Variants in RIMS2 observed in about 807,000 individuals in gnomAD.
RIMS2 encodes the protein regulating synaptic membrane exocytosis protein 2.
RIMS2 carries 59 observed loss-of-function variants against 174.4 expected under a neutral mutation model. The ratio of observed to expected loss-of-function variants is 0.34; its 90% confidence interval spans 0.27 to 0.42. The LOEUF is 0.42. Among genes scored for constraint, RIMS2 ranks in the 10% least tolerant of loss-of-function variants. RIMS2 has a pLI of 1.00. For missense variants in RIMS2, 1,620 were observed against 1,666.3 expected, an observed-to-expected ratio of 0.97 and a Z score of 0.48; for synonymous variants, 606 against 572.5, an observed-to-expected ratio of 1.06 and a Z score of -0.84.
chr8:103,675,131 C>T (rs1292840542), intron 1 of RIMS2, among the ~76,000 whole-genome samples: 4 of 152,026 alleles, frequency 2.6e-5, no homozygotes, highest in South Asian at 2.1e-4. Flanking sequence ...TGGCTGGTCT[C>T]GAACTCCTGA....
rs183667931 is a variant in RIMS2, at chr8:103,694,435, T to G, written c.177-2651T>G. Among the ~76,000 whole-genome samples, 274 of 152,144 alleles carry G rather than the reference T, an allele frequency of 1.8e-3. 1 individual carries two copies. Among genetic ancestry groups the G allele is most frequent in the Non-Finnish European group, 2.8e-3 (193 of 67,986 alleles). Reference sequence around the variant, plus strand: ...GCTTGATGACTAGGGCTTTAGGCACTTGTGCTGTGCTGGGACATGCCTTGT... The same window carrying G: ...GCTTGATGACTAGGGCTTTAGGCACGTGTGCTGTGCTGGGACATGCCTTGT... On this transcript the variant is annotated intron_variant, in intron 1 of 23. Coordinates refer to ENST00000504942, the Ensembl canonical transcript of RIMS2.
chr8:103,868,132 G>A (rs988334861), intron 3 of RIMS2, among the ~76,000 whole-genome samples: 2 of 152,094 alleles, frequency 1.3e-5, no homozygotes, highest in South Asian at 4.1e-4. Flanking sequence ...GATTGTAACA[G>A]CTAAGTAATT....
chr8:104,229,574 A>G (rs944576229), intron 19 of RIMS2, among the ~76,000 whole-genome samples: 1 of 152,178 alleles, frequency 6.6e-6, no homozygotes, highest in African/African-American at 2.4e-5. Context: ...TTAGGAACCC[A>G]TGAGCATTCT....
intron 1 of RIMS2, among the ~76,000 whole-genome samples, chr8:103,673,108 A>G (rs538245681): frequency 2.0e-5 from 3 of 152,196 alleles, no homozygotes; most frequent in Non-Finnish European, 4.4e-5. Context: ...TCCTGCGTGC[A>G]GGACACACTG....
chr8:103,522,475 GGCAGTGCAGTTTCTATTTATCT>G (rs1416964867), intron 1 of RIMS2, among the ~76,000 whole-genome samples: 1 of 152,070 alleles, frequency 6.6e-6, no homozygotes, highest in Non-Finnish European at 1.5e-5. Context: ...TGTTACTAGT[GGCAGTGCAGTTTCTATTTATCT>G]GCCCAAGTTT....
chr8:103,655,685 A>G (rs1347254725), intron 1 of RIMS2, among the ~76,000 whole-genome samples: 9 of 152,062 alleles, frequency 5.9e-5, no homozygotes, highest in Non-Finnish European at 1.2e-4. Context: ...TGTTAAAGGG[A>G]AGAGTGTTTT....
At chr8:103,927,818 T>C (rs2079068402) in intron 10 of RIMS2, 1 of 1,582,606 alleles carries the variant, frequency 6.3e-7, no homozygotes, top group Non-Finnish European at 8.7e-7. Context: ...TTTTATTGCT[T>C]TTTTCTTTAA....
At chr8:103,627,106 A>T (rs559274090) in intron 1 of RIMS2, among the ~76,000 whole-genome samples, 1 of 152,252 alleles carries the variant, frequency 6.6e-6, no homozygotes, top group Non-Finnish European at 1.5e-5. Flanking sequence ...CATAAGACAG[A>T]CACTCCCAGA....
chr8:103,516,363 T>C (rs1046901017), intron 1 of RIMS2, among the ~76,000 whole-genome samples: 2 of 152,152 alleles, frequency 1.3e-5, no homozygotes, highest in African/African-American at 2.4e-5. Context: ...AAAAATTTCA[T>C]ACTTGTACTC....
intron 19 of RIMS2, among the ~76,000 whole-genome samples, chr8:104,194,520 CATTTT>C (rs1184895090): frequency 1.3e-5 from 2 of 152,098 alleles, no homozygotes; most frequent in Non-Finnish European, 2.9e-5. Flanking sequence ...AATGGAAATA[CATTTT>C]TAAAACATAA....
Position 104,148,817 on chromosome 8 carries a change from A to G in RIMS2, c.3335-96099A>G, listed in dbSNP as rs755816780. On this transcript the variant is annotated intron_variant, in intron 19 of 23. Transcript: ENST00000504942. ...TAGCTATCGTTGGTCTGTCACGGAA[A>G]AGTCGCAGTGCTTCTCAGCTCAGCC... The G allele has an allele frequency of 2.2e-5, 35 of 1,598,272 alleles. No homozygotes were observed. In the East Asian group the frequency reaches 7.6e-4, roughly 35 times the overall value.
At chr8:104,028,550 T>A (rs961651129) in intron 19 of RIMS2, among the ~76,000 whole-genome samples, 3 of 152,132 alleles carry the variant, frequency 2.0e-5, no homozygotes, top group African/African-American at 7.2e-5. Flanking sequence ...GATGCTTGAG[T>A]TTCAGTATAA....
At chr8:103,908,233 G>T (rs1425865240) in intron 4 of RIMS2, among the ~76,000 whole-genome samples, 1 of 151,766 alleles carries the variant, frequency 6.6e-6, no homozygotes, top group Non-Finnish European at 1.5e-5. Context: ...AGTAGAGATG[G>T]GACTTTACCA....
intron 19 of RIMS2, among the ~76,000 whole-genome samples, chr8:104,048,747 G>A (rs2096735775): frequency 6.6e-6 from 1 of 151,924 alleles, no homozygotes; most frequent in Non-Finnish European, 1.5e-5. Flanking sequence ...TTTGTAATTT[G>A]AAAGAAATTG....
intron 19 of RIMS2, among the ~76,000 whole-genome samples, chr8:104,140,645 CT>C (rs1299341870): frequency 2.0e-5 from 3 of 152,118 alleles, no homozygotes; most frequent in Admixed American, 1.3e-4. Flanking sequence ...AAAATGTATT[CT>C]TCCTTTTTGT....
chr8:103,958,921 G>A (rs2088706300), intron 14 of RIMS2, among the ~76,000 whole-genome samples: 1 of 152,182 alleles, frequency 6.6e-6, no homozygotes, highest in South Asian at 2.1e-4. Context: ...GATTCTGGAA[G>A]TCTCTGTGGG....
At chr8:103,985,497 A>G (rs1243308100) in intron 16 of RIMS2, among the ~76,000 whole-genome samples, 1 of 150,330 alleles carries the variant, frequency 6.7e-6, no homozygotes, top group African/African-American at 2.5e-5. Context: ...AAAAAAAAAA[A>G]AAAAAAGAGT....
In RIMS2 at chr8:103,876,242, T is replaced by C. The variant is rs185521987; in HGVS notation, c.699-9056T>C. On this transcript the variant is annotated intron_variant, in intron 3 of 23. Transcript: ENST00000504942. ...AGAATTTTTATGGTTTTAGATCATA[T>C]ATTTAAGTCTTTAATCCATCTTGAG... Among the ~76,000 whole-genome samples the C allele has an allele frequency of 2.0e-5, 3 of 151,980 alleles. No individual in the cohort carries two copies. In the East Asian group the frequency reaches 5.8e-4, roughly 29 times the overall value.
chr8:104,199,636 A>T (rs527612059), intron 19 of RIMS2, among the ~76,000 whole-genome samples: 7 of 152,208 alleles, frequency 4.6e-5, no homozygotes, highest in South Asian at 2.1e-4. Flanking sequence ...GTAGGAAGGC[A>T]TGCCTGTGGT....
Sources: gnomAD v4.1 joint callset for allele counts (sites outside exome capture counted in the v4.1 genomes callset) on GRCh38, gnomAD v4.1.1 for gene constraint, MANE v1.5 for transcripts, NCBI Gene and HGNC (gene_info 2026-07-23, HGNC 2026-07-21) for gene names.